Variants in WDSUB1 observed in about 807,000 individuals in gnomAD.
WDSUB1 encodes WD repeat, SAM and U-box domain-containing protein 1.
Under a neutral mutation model 53.9 loss-of-function variants are expected in WDSUB1, and 49 were observed. The ratio of observed to expected loss-of-function variants is 0.91; its 90% CI spans 0.72 to 1.15. The LOEUF (loss-of-function observed/expected upper bound fraction) is 1.15, where lower values mean the gene tolerates loss of function less well. Among genes scored for constraint, WDSUB1 ranks in the 50% most tolerant of loss-of-function variants. WDSUB1 has a pLI of 0.00. For missense variants in WDSUB1, 514 were observed against 562.0 expected, an observed-to-expected ratio of 0.91 and a Z score of 0.86; for synonymous variants, 194 against 200.6, an observed-to-expected ratio of 0.97 and a Z score of 0.28.
intron 4 of WDSUB1, among the ~76,000 whole-genome samples, chr2:159,274,675 AACTACCC>A (rs59609777): frequency 0.15 from 22,782 of 151,972 alleles, 3,414 homozygotes; most frequent in African/African-American, 0.38. Flanking sequence ...CAGAAGGGCC[AACTACCC>A]ACCTCCTCAT....
At chr2:159,276,195 G>A (rs1221708144) in intron 3 of WDSUB1, among the ~76,000 whole-genome samples, 1 of 152,078 alleles carries the variant, frequency 6.6e-6, no homozygotes, top group East Asian at 1.9e-4. Flanking sequence ...CCAAGTAGCT[G>A]AGATTACAGG....
rs768056112 is a variant in WDSUB1 at position 159,275,642 on chromosome 2, A to T, written c.584-4T>A. 2.9e-5 allele frequency: 46 copies of T among 1,587,608 alleles called. No homozygotes were observed. In the East Asian group the frequency reaches 5.6e-4, roughly 19 times the overall value. On this transcript the variant is annotated splice_region_variant and splice_polypyrimidine_tract_variant and intron_variant, in intron 3 of 10. Transcript: ENST00000359774. The stretch of plus-strand genomic sequence containing the variant: ...AACTGAAGACCTTGTTCTCCATCTA[A>T]AATTTATTAAAAATAAATACAGAGA...
intron 10 of WDSUB1, among the ~76,000 whole-genome samples, chr2:159,238,575 G>A (rs7564250): frequency 0.42 from 63,963 of 152,072 alleles, 14,754 homozygotes; most frequent in Non-Finnish European, 0.54. Flanking sequence ...TGTTAGAAGT[G>A]ATTTTTACCA....
intron 9 of WDSUB1, among the ~76,000 whole-genome samples, chr2:159,249,911 C>A (rs377010408): frequency 7.8e-4 from 102 of 130,992 alleles, no homozygotes; most frequent in Non-Finnish European, 1.1e-3. Flanking sequence ...ATTAAAAATA[C>A]AAAAAAAAAA....
chr2:159,236,177 A>G lies in WDSUB1; in HGVS notation c.1287T>C (p.Tyr429=), dbSNP rs2060474553. The change falls in exon 11 of 11, where the codon TAT becomes TAC. Residue 429 remains tyrosine, a synonymous_variant. Coordinates refer to ENST00000359774, the MANE Select transcript of WDSUB1 (RefSeq NM_001128212.3). ...TCCAATTTTCCATTGCTTCCTTTTC[A>G]TATGAATAGCCATCTAAAAAAAAAA... ...DPVIASDGYS[Y]EKEAMENWIS... is the part of the protein sequence containing the mutation. 1.2e-6 allele frequency: 2 copies of G among 1,606,164 alleles called. No homozygotes were observed. Among genetic ancestry groups the G allele is most frequent in the East Asian group, 4.5e-5 (2 of 44,840 alleles).
chr2:159,237,404 C>G (rs1393166220), intron 10 of WDSUB1, among the ~76,000 whole-genome samples: 1 of 152,096 alleles, frequency 6.6e-6, no homozygotes, highest in African/African-American at 2.4e-5. Context: ...GCCTGTAATT[C>G]CAGCTACTCA....
intron 4 of WDSUB1, among the ~76,000 whole-genome samples, chr2:159,274,047 A>G (rs1221628104): frequency 1.3e-5 from 2 of 152,238 alleles, no homozygotes; most frequent in African/African-American, 2.4e-5. Context: ...ACAGAAATGT[A>G]CACTGGTAAA....
At chr2:159,285,972 C>T (rs922059091) in intron 1 of WDSUB1, among the ~76,000 whole-genome samples, 5 of 152,114 alleles carry the variant, frequency 3.3e-5, no homozygotes, top group African/African-American at 1.2e-4. Flanking sequence ...AGCCCTCTGC[C>T]GCACTCAGCT....
intron 1 of WDSUB1, among the ~76,000 whole-genome samples, chr2:159,285,251 T>C (rs2061764441): frequency 6.6e-6 from 1 of 152,104 alleles, no homozygotes; most frequent in Admixed American, 6.6e-5. Context: ...AATTAGAAAA[T>C]CTACCAAGAC....
At chr2:159,271,239 G>C (rs6724613) in intron 5 of WDSUB1, among the ~76,000 whole-genome samples, 1 of 152,032 alleles carries the variant, frequency 6.6e-6, no homozygotes, top group Admixed American at 6.5e-5. Flanking sequence ...ATGTACACCA[G>C]GACATACAAT....
At chr2:159,243,859 C>T (rs922187583) in intron 10 of WDSUB1, among the ~76,000 whole-genome samples, 15 of 152,264 alleles carry the variant, frequency 9.9e-5, no homozygotes, top group African/African-American at 3.4e-4. Context: ...TGCCCATCAA[C>T]AGAATGAATT....
At chr2:159,276,551 GCTA>G (rs2061545505) in intron 3 of WDSUB1, among the ~76,000 whole-genome samples, 1 of 152,126 alleles carries the variant, frequency 6.6e-6, no homozygotes, top group Non-Finnish European at 1.5e-5. Flanking sequence ...TCCCAGAAGA[GCTA>G]CTACATTACA....
intron 8 of WDSUB1, among the ~76,000 whole-genome samples, chr2:159,257,064 T>C (rs572441856): frequency 1.3e-5 from 2 of 152,224 alleles, no homozygotes; most frequent in South Asian, 4.1e-4. Flanking sequence ...AGTGGCGTGT[T>C]CTCAGCTCAC....
In WDSUB1 at chr2:159,236,053, GCCATC is replaced by G; in HGVS notation, c.1406_1410del (p.Arg469ThrfsTer19). 6.2e-7 allele frequency: 1 copy of G among 1,605,846 alleles called. No homozygotes were observed. On this transcript the variant is annotated frameshift_variant, in exon 11 of 11. Coordinates refer to ENST00000359774, the MANE Select transcript of WDSUB1 (RefSeq NM_001128212.3). LOFTEE classifies it high-confidence loss of function. ...CAATTTTACTTTTGGTGTGTCTCCA[GCCATC>G]TATTGATGGCCATTTTCAGAGTCCT...
At chr2:159,278,295 C>T (rs989604726) in intron 3 of WDSUB1, among the ~76,000 whole-genome samples, 3 of 152,048 alleles carry the variant, frequency 2.0e-5, no homozygotes, top group African/African-American at 7.2e-5. Context: ...GGGAGTTTAA[C>T]GTAAGAATGG....
intron 4 of WDSUB1, 85 bp downstream of exon 4, chr2:159,275,461 T>G: frequency 9.1e-7 from 1 of 1,104,752 alleles, no homozygotes; most frequent in Non-Finnish European, 1.3e-6. Context: ...TTTTAGATAC[T>G]CAAGGTACCT....
intron 10 of WDSUB1, among the ~76,000 whole-genome samples, chr2:159,244,588 A>G (rs985301369): frequency 6.6e-6 from 1 of 152,312 alleles, no homozygotes; most frequent in Non-Finnish European, 1.5e-5. Flanking sequence ...AAGTCAATAT[A>G]TAACATTGTA....
At position 159,243,969 on chromosome 2, in the gene WDSUB1, G is replaced by T. The variant is rs548117200; in HGVS notation, c.1273+4403C>A. Among the ~76,000 whole-genome samples, 421 of 152,262 alleles carry T rather than the reference G, an allele frequency of 2.8e-3. 2 individuals are homozygous for T. The highest frequency in any genetic ancestry group is 5.0e-3 in the Non-Finnish European group (342 of 68,014). ...AACATGTTTAAGAAGCCAGACCCAA[G>T]AGAGAGACACGTTATGATCCAATAG... On this transcript the variant is annotated intron_variant, in intron 10 of 10. Coordinates refer to ENST00000359774, the MANE Select transcript of WDSUB1 (RefSeq NM_001128212.3).
At chr2:159,250,088 C>CAAAAAAAAAAAAAAAAAAAAAAAAAA (rs374038625) in intron 9 of WDSUB1, among the ~76,000 whole-genome samples, 12 of 83,538 alleles carry the variant, frequency 1.4e-4, no homozygotes, top group African/African-American at 3.2e-4. Context: ...GACTCTGCCT[C>CAAAAAAAAAAAAAAAAAAAAAAAAAA]AAAAAAAAAA....
Sources: allele counts gnomAD v4.1 joint callset (sites outside exome capture counted in the v4.1 genomes callset), GRCh38; gene constraint gnomAD v4.1.1; transcripts MANE v1.5; gene names NCBI Gene and HGNC (gene_info 2026-07-23, HGNC 2026-07-21).